The following TTC6 variants were observed in gnomAD, a reference collection of about 807,000 sequenced individuals.
The protein encoded by TTC6 is tetratricopeptide repeat protein 6.
In TTC6, 172 loss-of-function variants were observed where a neutral mutation model predicts 210.4. The observed-to-expected ratio is 0.82, with a 90% CI of 0.72 to 0.93. The LOEUF (loss-of-function observed/expected upper bound fraction) is 0.93. TTC6 is among the 40% of genes least tolerant of loss of function. The pLI is 0.00. For synonymous variants in TTC6, 804 were observed against 819.6 expected, an observed-to-expected ratio of 0.98 and a Z score of 0.32; for missense variants, 2,414 against 2,318.1, an observed-to-expected ratio of 1.04 and a Z score of -0.85.
intron 1 of TTC6, among the ~76,000 whole-genome samples, chr14:37,636,319 C>G: frequency 6.6e-6 from 1 of 152,164 alleles, no homozygotes; most frequent in East Asian, 1.9e-4. Context: ...GGAGAATACA[C>G]ATTTTTGTCA....
chr14:37,708,942 C>A (rs940020922), intron 5 of TTC6, among the ~76,000 whole-genome samples: 26 of 151,954 alleles, frequency 1.7e-4, no homozygotes, highest in African/African-American at 6.3e-4. Flanking sequence ...TCACTGGTTG[C>A]CCCCCACCCA....
At chr14:37,823,630 A>G in intron 26 of TTC6, 117 bp from the exon 29 acceptor site, 1 of 928,566 alleles carries the variant, frequency 1.1e-6, no homozygotes, top group African/African-American at 1.7e-5. Flanking sequence ...AGAAATGGAG[A>G]TTTTTTAATG....
intron 1 of TTC6, among the ~76,000 whole-genome samples, chr14:37,633,506 C>T (rs1369960932): frequency 2.0e-5 from 3 of 152,294 alleles, no homozygotes; most frequent in African/African-American, 7.2e-5. Context: ...GTTGGAAATG[C>T]AGAAATCACC....
Position 37,635,996 on chromosome 14 carries a change from A to G in TTC6, c.939+12993A>G, listed in dbSNP as rs1200042314. Among the ~76,000 whole-genome samples the G allele has an allele frequency of 7.3e-5, 11 of 150,492 alleles. No individual in the cohort carries two copies. The East Asian group carries it at 1.5e-3, about 21-fold the overall frequency. On this transcript the variant is annotated intron_variant, in intron 1 of 30. Transcript: ENST00000553443. ...ATTCCATTTCCAAAAAAAAAAAAAA[A>G]AAAAGAAAAAAAAAAGAAAATTACC...
intron 28 of TTC6, 110 bp from the exon 31 acceptor site, chr14:37,827,086 A>G (rs2096173550): frequency 1.1e-6 from 1 of 894,178 alleles, no homozygotes; most frequent in East Asian, 2.9e-5. Context: ...CATGCACTAT[A>G]AAATTACTCA....
At chr14:37,609,156 T>TA (rs879446924) in intron 2 of TTC6, among the ~76,000 whole-genome samples, 4 of 152,158 alleles carry the variant, frequency 2.6e-5, no homozygotes, top group African/African-American at 4.8e-5. Context: ...CAGTGGCTTG[T>TA]GCATGTAACC....
chr14:37,785,466 A>G (rs907077444), intron 14 of TTC6, among the ~76,000 whole-genome samples: 3 of 152,142 alleles, frequency 2.0e-5, no homozygotes, highest in South Asian at 2.1e-4. Flanking sequence ...TTTGAACTCC[A>G]TCAGGTCATT....
At chr14:37,622,526 G>A in exon 1 of TTC6, 2 of 1,535,074 alleles carry the variant, frequency 1.3e-6, no homozygotes, top group Non-Finnish European at 1.7e-6. Context: ...TGCTGCCTCC[G>A]CCCGAGCCAC....
intron 14 of TTC6, among the ~76,000 whole-genome samples, chr14:37,771,512 T>C (rs959418356): frequency 6.6e-6 from 1 of 152,132 alleles, no homozygotes; most frequent in Non-Finnish European, 1.5e-5. Context: ...CTTTTTATGC[T>C]TTTTTTCTCT....
chr14:37,792,115 A>G (rs2096081211), intron 16 of TTC6, 149 bp from the exon 19 acceptor site: 1 of 595,280 alleles, frequency 1.7e-6, no homozygotes, highest in African/African-American at 1.9e-5. Context: ...CATAGAGAGC[A>G]GCTAACTAAT....
chr14:37,650,668 C>T (rs544433430), intron 1 of TTC6, among the ~76,000 whole-genome samples: 6 of 152,200 alleles, frequency 3.9e-5, no homozygotes, highest in East Asian at 1.9e-4. Flanking sequence ...GAGGTCAGGT[C>T]GTTGGATGAC....
At chr14:37,672,821 A>ATTTTTTTTTTT (rs377117749) in intron 1 of TTC6, among the ~76,000 whole-genome samples, 3 of 128,994 alleles carry the variant, frequency 2.3e-5, no homozygotes, top group African/African-American at 9.2e-5. Flanking sequence ...TGAATTCCTC[A>ATTTTTTTTTTT]TTTTTTTTTT....
chr14:37,789,452 T>C (rs1451371786), intron 15 of TTC6, among the ~76,000 whole-genome samples: 4 of 151,948 alleles, frequency 2.6e-5, no homozygotes, highest in African/African-American at 9.6e-5. Flanking sequence ...ATAACAGTCA[T>C]GCGCCACATA....
chr14:37,738,689 A>T, intron 9 of TTC6, 87 bp from the exon 12 acceptor site: 1 of 1,095,934 alleles, frequency 9.1e-7, no homozygotes, highest in Non-Finnish European at 1.2e-6. Flanking sequence ...CCACATTAAT[A>T]GTAATTGTAA....
intron 14 of TTC6, among the ~76,000 whole-genome samples, chr14:37,780,553 A>G (rs1219492357): frequency 1.3e-5 from 2 of 152,176 alleles, no homozygotes; most frequent in Non-Finnish European, 2.9e-5. Context: ...TTCTAACTCC[A>G]TCCACGTCCC....
intron 1 of TTC6, among the ~76,000 whole-genome samples, chr14:37,659,738 C>T (rs767194051): frequency 2.0e-5 from 3 of 152,140 alleles, no homozygotes; most frequent in Non-Finnish European, 4.4e-5. Context: ...TCAGGCTGGT[C>T]TCGAACTCCT....
intron 1 of TTC6, among the ~76,000 whole-genome samples, chr14:37,657,578 T>C (rs1351227237): frequency 6.6e-6 from 1 of 152,132 alleles, no homozygotes; most frequent in Non-Finnish European, 1.5e-5. Flanking sequence ...AAAAGCTTAT[T>C]TGTTGGCTTT....
chr14:37,599,417 T>G (rs903679373), intron 1 of TTC6, among the ~76,000 whole-genome samples: 5 of 152,208 alleles, frequency 3.3e-5, no homozygotes, highest in Non-Finnish European at 5.9e-5. Flanking sequence ...TGTGTGTGCG[T>G]GTGCTTGTGT....
intron 14 of TTC6, among the ~76,000 whole-genome samples, chr14:37,762,862 T>TTTTTCTTTTC (rs773724868): frequency 1.9e-3 from 285 of 150,698 alleles, no homozygotes; most frequent in Admixed American, 5.9e-3. Context: ...TTTCTTTTTC[T>TTTTTCTTTTC]TTTTCTTTTC....
Sources: gnomAD v4.1 joint callset for allele counts (sites outside exome capture counted in the v4.1 genomes callset) on GRCh38, gnomAD v4.1.1 for gene constraint, MANE v1.5 for transcripts, NCBI Gene and HGNC (gene_info 2026-07-23, HGNC 2026-07-21) for gene names.